The following IMMP2L variants were observed in gnomAD, a reference collection of about 807,000 sequenced individuals.
IMMP2L encodes the protein mitochondrial inner membrane protease subunit 2.
Under a neutral mutation model 19.3 loss-of-function variants are expected in IMMP2L, and 18 were observed. The ratio of observed to expected loss-of-function variants is 0.93; its 90% CI spans 0.64 to 1.38. The LOEUF is 1.38. Ranked by LOEUF, IMMP2L falls within the 40% of genes most tolerant of loss-of-function variation. The pLI is 0.00. For synonymous variants in IMMP2L, 76 were observed against 73.0 expected (o/e 1.04, Z -0.21); for missense variants, 233 against 218.2 (o/e 1.07, Z -0.43).
At chr7:111,151,647 C>G (rs1221673761) in intron 3 of IMMP2L, among the ~76,000 whole-genome samples, 1 of 152,138 alleles carries the variant, frequency 6.6e-6, no homozygotes, top group Non-Finnish European at 1.5e-5. Context: ...TCACGGAAAT[C>G]TGAACACAGG....
chr7:111,515,408 T>G (rs1175410263), intron 2 of IMMP2L, among the ~76,000 whole-genome samples: 1 of 152,164 alleles, frequency 6.6e-6, no homozygotes, highest in African/African-American at 2.4e-5. Flanking sequence ...TAAGAATTTC[T>G]GTTCCAATTT....
At chr7:110,695,568 C>A (rs975657532) in intron 5 of IMMP2L, among the ~76,000 whole-genome samples, 1 of 151,922 alleles carries the variant, frequency 6.6e-6, no homozygotes, top group Non-Finnish European at 1.5e-5. Flanking sequence ...TAAAGATAGT[C>A]TCAAAGGTTA....
intron 5 of IMMP2L, among the ~76,000 whole-genome samples, chr7:110,831,310 G>T (rs981711081): frequency 7.9e-5 from 12 of 152,034 alleles, no homozygotes; most frequent in African/African-American, 2.9e-4. Context: ...GGGTTTGTGT[G>T]ATTACATTAA....
At chr7:111,447,333 A>T (rs1260889429) in intron 3 of IMMP2L, among the ~76,000 whole-genome samples, 2 of 136,806 alleles carry the variant, frequency 1.5e-5, no homozygotes, top group Non-Finnish European at 3.1e-5. Flanking sequence ...CTCAAAGGGA[A>T]GCCCATCAGA....
chr7:111,325,910 T>C (rs1825272708), intron 3 of IMMP2L, among the ~76,000 whole-genome samples: 1 of 151,690 alleles, frequency 6.6e-6, no homozygotes, highest in African/African-American at 2.4e-5. Context: ...TTTACTGTAG[T>C]AATAATGTTC....
intron 5 of IMMP2L, among the ~76,000 whole-genome samples, chr7:110,704,528 T>C (rs1379706847): frequency 1.3e-5 from 2 of 152,370 alleles, no homozygotes; most frequent in East Asian, 1.9e-4. Context: ...GAAGCACTTC[T>C]GTGGCAGTGC....
intron 5 of IMMP2L, among the ~76,000 whole-genome samples, chr7:110,857,759 C>A (rs1806950225): frequency 6.6e-6 from 1 of 152,046 alleles, no homozygotes; most frequent in Non-Finnish European, 1.5e-5. Context: ...GATATTCATA[C>A]AACTTCATTA....
At chr7:110,977,176 C>T (rs1820782598) in intron 3 of IMMP2L, among the ~76,000 whole-genome samples, 3 of 151,934 alleles carry the variant, frequency 2.0e-5, no homozygotes, top group Non-Finnish European at 2.9e-5. Flanking sequence ...GAATGACAAG[C>T]AGGTGCCAGG....
intron 5 of IMMP2L, among the ~76,000 whole-genome samples, chr7:110,816,618 T>A (rs1477656941): frequency 6.6e-6 from 1 of 151,422 alleles, no homozygotes; most frequent in Non-Finnish European, 1.5e-5. Context: ...TTTGTAGGTC[T>A]CTAAGGACTT....
At chr7:111,546,425 T>C (rs1172463209) in intron 1 of IMMP2L, among the ~76,000 whole-genome samples, 1 of 152,168 alleles carries the variant, frequency 6.6e-6, no homozygotes, top group Non-Finnish European at 1.5e-5. Context: ...TATTATGAAA[T>C]ATTAATACTC....
At chr7:111,537,351 A>G (rs1184783427) in intron 1 of IMMP2L, among the ~76,000 whole-genome samples, 1 of 152,044 alleles carries the variant, frequency 6.6e-6, no homozygotes, top group Non-Finnish European at 1.5e-5. Flanking sequence ...CAGCTGCCCA[A>G]AGGTCAACAT....
chr7:111,210,332 T>C (rs1204005346), intron 3 of IMMP2L, among the ~76,000 whole-genome samples: 1 of 152,202 alleles, frequency 6.6e-6, no homozygotes, highest in Admixed American at 6.5e-5. Context: ...GCTATCTTTA[T>C]TCATCAGCTT....
chr7:111,360,889 T>C (rs1829198814), intron 3 of IMMP2L, among the ~76,000 whole-genome samples: 1 of 152,052 alleles, frequency 6.6e-6, no homozygotes, highest in African/African-American at 2.4e-5. Flanking sequence ...TTGAAATATA[T>C]AGTTATTTTT....
At chr7:111,396,683 A>C (rs1832898869) in intron 3 of IMMP2L, among the ~76,000 whole-genome samples, 1 of 152,194 alleles carries the variant, frequency 6.6e-6, no homozygotes, top group Non-Finnish European at 1.5e-5. Context: ...GAAAAAGAAT[A>C]GATAAATATA....
At chr7:111,400,634 G>C (rs1487156284) in intron 3 of IMMP2L, among the ~76,000 whole-genome samples, 1 of 151,946 alleles carries the variant, frequency 6.6e-6, no homozygotes, top group Non-Finnish European at 1.5e-5. Context: ...GCATTTTACT[G>C]TACCTTCCCC....
intron 2 of IMMP2L, among the ~76,000 whole-genome samples, chr7:111,500,578 C>T (rs1844112480): frequency 6.6e-6 from 1 of 152,168 alleles, no homozygotes; most frequent in Non-Finnish European, 1.5e-5. Flanking sequence ...ACTGACACCT[C>T]ACATGGCCGG....
chr7:111,159,467 T>C (rs1402192792), intron 3 of IMMP2L, among the ~76,000 whole-genome samples: 1 of 152,142 alleles, frequency 6.6e-6, no homozygotes, highest in Non-Finnish European at 1.5e-5. Flanking sequence ...GGTTGATGTG[T>C]TTTGCTTGAA....
chr7:111,299,743 T>G (rs1242505192), intron 3 of IMMP2L, among the ~76,000 whole-genome samples: 1 of 152,110 alleles, frequency 6.6e-6, no homozygotes, highest in Non-Finnish European at 1.5e-5. Flanking sequence ...TTTGTCTTTT[T>G]TTTTTAATAG....
At chr7:111,122,782 A>T (rs1586427645) in intron 3 of IMMP2L, 1 of 1,612,238 alleles carries the variant, frequency 6.2e-7, no homozygotes, top group East Asian at 2.2e-5. Flanking sequence ...GATGAAGGAC[A>T]TGCCACTCCG....
Sources: gnomAD v4.1 joint callset for allele counts (sites outside exome capture counted in the v4.1 genomes callset) on GRCh38, gnomAD v4.1.1 for gene constraint, MANE v1.5 for transcripts, NCBI Gene and HGNC (gene_info 2026-07-23, HGNC 2026-07-21) for gene names.